The following GHR variants were observed in gnomAD, a reference collection of about 807,000 sequenced individuals.
GHR encodes growth hormone receptor.
GHR carries 35 observed loss-of-function variants against 67.1 expected under a neutral mutation model. The ratio of observed to expected loss-of-function variants is 0.52; its 90% CI spans 0.40 to 0.69. The LOEUF (loss-of-function observed/expected upper bound fraction) is 0.69. Ranked by LOEUF, GHR falls within the 30% of genes least tolerant of loss-of-function variation. The pLI is 0.00. For synonymous variants in GHR, 272 were observed against 269.1 expected, an observed-to-expected ratio of 1.01 and a Z score of -0.10; for missense variants, 792 against 764.6, an observed-to-expected ratio of 1.04 and a Z score of -0.42.
chr5:42,594,685 G>A (rs1055039963), intron 2 of GHR, among the ~76,000 whole-genome samples: 5 of 152,074 alleles, frequency 3.3e-5, no homozygotes, highest in Non-Finnish European at 7.4e-5. Flanking sequence ...AACCTACACA[G>A]AACAGCGGTT....
intron 1 of GHR, among the ~76,000 whole-genome samples, chr5:42,431,962 A>T (rs1195252952): frequency 6.6e-6 from 1 of 152,214 alleles, no homozygotes; most frequent in Non-Finnish European, 1.5e-5. Context: ...ACAGGTGTAG[A>T]GAATTCCCTG....
chr5:42,525,089 G>A (rs1269969729), intron 1 of GHR, among the ~76,000 whole-genome samples: 2 of 152,226 alleles, frequency 1.3e-5, no homozygotes, highest in Non-Finnish European at 2.9e-5. Context: ...GCACTGCCTA[G>A]TGAAGCTGTG....
At chr5:42,627,759 G>GT (rs1251941962) in intron 2 of GHR, among the ~76,000 whole-genome samples, 8 of 152,228 alleles carry the variant, frequency 5.3e-5, no homozygotes. Context: ...CAACCCCAGT[G>GT]TTACAAAGTT....
chr5:42,592,584 C>A (rs137980230), intron 2 of GHR, among the ~76,000 whole-genome samples: 1 of 152,208 alleles, frequency 6.6e-6, no homozygotes, highest in Non-Finnish European at 1.5e-5. Flanking sequence ...TGTGGCTGCA[C>A]AGGACATGAG....
chr5:42,480,984 G>T (rs1745603857), intron 1 of GHR, among the ~76,000 whole-genome samples: 1 of 151,994 alleles, frequency 6.6e-6, no homozygotes. Context: ...TCCTAGCCTT[G>T]ATGGTCTTTA....
intron 1 of GHR, among the ~76,000 whole-genome samples, chr5:42,476,011 T>G (rs1196531152): frequency 2.0e-5 from 3 of 151,136 alleles, no homozygotes; most frequent in African/African-American, 7.3e-5. Flanking sequence ...CTCACGCCAT[T>G]CTCCTGCCTC....
intron 1 of GHR, among the ~76,000 whole-genome samples, chr5:42,501,803 G>A (rs910787894): frequency 6.6e-6 from 1 of 152,130 alleles, no homozygotes; most frequent in Non-Finnish European, 1.5e-5. Flanking sequence ...GGCAAAAAGT[G>A]CCCTAGAGAT....
intron 1 of GHR, among the ~76,000 whole-genome samples, chr5:42,541,503 C>G (rs1461765192): frequency 6.6e-6 from 1 of 151,880 alleles, no homozygotes; most frequent in Non-Finnish European, 1.5e-5. Flanking sequence ...ATAGGACTTT[C>G]AGACCACTGT....
At chr5:42,696,848 G>C (rs1757697350) in intron 5 of GHR, among the ~76,000 whole-genome samples, 1 of 152,196 alleles carries the variant, frequency 6.6e-6, no homozygotes, top group African/African-American at 2.4e-5. Context: ...GCACAGAGCA[G>C]TTAAAGGACT....
chr5:42,485,528 T>A (rs1480419218), intron 1 of GHR, among the ~76,000 whole-genome samples: 1 of 152,254 alleles, frequency 6.6e-6, no homozygotes, highest in East Asian at 1.9e-4. Flanking sequence ...GTTCAATAAC[T>A]TGCCCAAGGC....
Position 42,681,658 on chromosome 5 carries a change from C to T in GHR, c.137-7232C>T, listed in dbSNP as rs148880216. Among the ~76,000 whole-genome samples the T allele has an allele frequency of 2.4e-3, 365 of 151,804 alleles. 3 individuals are homozygous for T. Among genetic ancestry groups the T allele is most frequent in the African/African-American group, 7.6e-3 (315 of 41,468 alleles). ...ATGCTACTATAAATACACATGCGGC[C>T]GGGCGTGGTGGCTCATGCCTGTAAT... On this transcript the variant is annotated intron_variant, in intron 3 of 9. Transcript: ENST00000230882.
chr5:42,565,744 G>C, intron 1 of GHR, 120 bp from the exon 2 acceptor site: 1 of 1,584,600 alleles, frequency 6.3e-7, no homozygotes, highest in Non-Finnish European at 8.6e-7. Context: ...GACTTACCAG[G>C]ATTCCTTCTG....
chr5:42,471,101 C>T (rs1283399097), intron 1 of GHR, among the ~76,000 whole-genome samples: 1 of 152,228 alleles, frequency 6.6e-6, no homozygotes, highest in Non-Finnish European at 1.5e-5. Flanking sequence ...GCTGGGCCAG[C>T]ACTAAGCTGG....
At chr5:42,608,354 G>C (rs890596591) in intron 2 of GHR, among the ~76,000 whole-genome samples, 2 of 151,832 alleles carry the variant, frequency 1.3e-5, no homozygotes, top group Non-Finnish European at 2.9e-5. Context: ...AAAGTTAATC[G>C]CTCAGCAGTG....
Position 42,629,013 on chromosome 5 carries a change from T to C in GHR, c.71-25T>C, listed in dbSNP as rs1387674096. ...AGATTGTTTTGATGGGGATGACTAA[T>C]GGTTTTCTTCTCTTTCTGTTTCAGC... On this transcript the variant is annotated intron_variant, in intron 2 of 9. Transcript: ENST00000230882. The C allele has an allele frequency of 5.6e-6, 7 of 1,254,676 alleles. 1 individual carries two copies. The highest frequency in any genetic ancestry group is 1.3e-5 in the South Asian group (1 of 79,536). The allele number at this position is 1,254,676 out of a possible 1,614,324, so 77.7% of individuals were successfully genotyped here.
chr5:42,689,219 C>G (rs946066426), intron 4 of GHR, among the ~76,000 whole-genome samples, 200 bp downstream of exon 4: 1 of 152,172 alleles, frequency 6.6e-6, no homozygotes, highest in Non-Finnish European at 1.5e-5. Context: ...GGAGATATAG[C>G]AGTGATTACA....
intron 1 of GHR, among the ~76,000 whole-genome samples, chr5:42,446,448 T>A (rs1369084737): frequency 6.6e-6 from 1 of 152,168 alleles, no homozygotes; most frequent in African/African-American, 2.4e-5. Flanking sequence ...CGAGGGCAGG[T>A]GAAGGGAAAA....
chr5:42,472,802 C>A (rs1745069690), intron 1 of GHR, among the ~76,000 whole-genome samples: 4 of 152,198 alleles, frequency 2.6e-5, no homozygotes, highest in African/African-American at 7.2e-5. Context: ...AGCTCCTGAG[C>A]TCTAGGGATT....
At chr5:42,679,149 G>T (rs895756154) in intron 3 of GHR, among the ~76,000 whole-genome samples, 2 of 133,938 alleles carry the variant, frequency 1.5e-5, no homozygotes, top group African/African-American at 5.4e-5. Context: ...ATTATATATT[G>T]TATATTATAT....
Sources: allele counts gnomAD v4.1 joint callset (sites outside exome capture counted in the v4.1 genomes callset), GRCh38; gene constraint gnomAD v4.1.1; transcripts MANE v1.5; gene names NCBI Gene and HGNC (gene_info 2026-07-23, HGNC 2026-07-21).